Variants in LARP1 observed in about 807,000 individuals in gnomAD.
LARP1 encodes La ribonucleoprotein 1, translational regulator, also known as la-related protein 1.
LARP1 carries 36 observed loss-of-function variants against 122.7 expected under a neutral mutation model. The observed-to-expected ratio is 0.29, with a 90% CI of 0.22 to 0.39. LARP1 has a LOEUF of 0.39. LARP1 is among the 10% of genes least tolerant of loss of function. The pLI is 1.00. For synonymous variants in LARP1, 539 were observed against 528.7 expected, an observed-to-expected ratio of 1.02 and a Z score of -0.27; for missense variants, 1,040 against 1,403.6, an observed-to-expected ratio of 0.74 and a Z score of 4.14.
chr5:154,703,435 C>A (rs2113257705), intron 1 of LARP1, among the ~76,000 whole-genome samples: 1 of 152,056 alleles, frequency 6.6e-6, no homozygotes, highest in Non-Finnish European at 1.5e-5. Flanking sequence ...TGACTGTGGC[C>A]ATTTTTGTAA....
chr5:154,713,411 T>C (rs538714944), intron 1 of LARP1, among the ~76,000 whole-genome samples: 1 of 152,340 alleles, frequency 6.6e-6, no homozygotes, highest in South Asian at 2.1e-4. Flanking sequence ...AATTTGTTAA[T>C]TGGTTTTCCT....
intron 1 of LARP1, among the ~76,000 whole-genome samples, chr5:154,690,593 AGCGAGACCCGCCACTACCTCC>A (rs1754146958): frequency 1.3e-5 from 2 of 152,122 alleles, no homozygotes; most frequent in African/African-American, 4.8e-5. Flanking sequence ...CCGGCCCCAG[AGCGAGACCCGCCACTACCTCC>A]ACGCACCCTC....
chr5:154,738,187 A>C (rs139943426), intron 1 of LARP1, among the ~76,000 whole-genome samples: 28 of 152,336 alleles, frequency 1.8e-4, no homozygotes, highest in African/African-American at 6.5e-4. Flanking sequence ...GCAGTCTTGG[A>C]TCCCAGAGGT....
At chr5:154,701,711 T>A (rs1168117370) in intron 1 of LARP1, among the ~76,000 whole-genome samples, 4 of 150,054 alleles carry the variant, frequency 2.7e-5, no homozygotes, top group African/African-American at 9.8e-5. Context: ...AACCTCCGCC[T>A]CCCAGGTTGA....
At chr5:154,726,947 G>A (rs115082834) in intron 1 of LARP1, among the ~76,000 whole-genome samples, 1 of 152,152 alleles carries the variant, frequency 6.6e-6, no homozygotes, top group Non-Finnish European at 1.5e-5. Flanking sequence ...AGAACAGCAT[G>A]GGGGAAACCG....
intron 1 of LARP1, 132 bp downstream of exon 1, chr5:154,756,325 C>G: frequency 1.1e-6 from 1 of 918,078 alleles, no homozygotes; most frequent in Non-Finnish European, 1.3e-6. Flanking sequence ...AAAATTGCCT[C>G]CTGGTTGATC....
intron 1 of LARP1, among the ~76,000 whole-genome samples, chr5:154,693,878 A>T (rs1427772248): frequency 1.4e-5 from 2 of 146,612 alleles, no homozygotes; most frequent in Non-Finnish European, 3.0e-5. Context: ...AAAAAGAAAG[A>T]AAGTTCTTTT....
intron 1 of LARP1, among the ~76,000 whole-genome samples, chr5:154,691,718 G>A (rs1178430241): frequency 1.3e-5 from 2 of 152,102 alleles, no homozygotes; most frequent in African/African-American, 2.4e-5. Context: ...CAACCTGATA[G>A]CGCTCCTCGG....
chr5:154,685,010 T>C (rs1753858528), intron 1 of LARP1, among the ~76,000 whole-genome samples: 2 of 151,972 alleles, frequency 1.3e-5, no homozygotes, highest in Admixed American at 6.6e-5. Flanking sequence ...CTTTGTGAGG[T>C]GGAGGTGGGC....
chr5:154,788,361 G>T (rs994268459), intron 1 of LARP1, among the ~76,000 whole-genome samples: 3 of 152,212 alleles, frequency 2.0e-5, no homozygotes, highest in Non-Finnish European at 2.9e-5. Context: ...TCAAAGGCAT[G>T]TGGGGTATCT....
intron 1 of LARP1, among the ~76,000 whole-genome samples, chr5:154,777,935 A>G (rs1386522876): frequency 6.6e-6 from 1 of 152,162 alleles, no homozygotes; most frequent in Non-Finnish European, 1.5e-5. Flanking sequence ...TGGAGATGTC[A>G]TTATTTGGCT....
chr5:154,783,558 A>G (rs185567132), intron 1 of LARP1, among the ~76,000 whole-genome samples: 306 of 152,306 alleles, frequency 2.0e-3, no homozygotes, highest in Non-Finnish European at 3.3e-3. Flanking sequence ...AGTGGTTAAG[A>G]GCACAGGTTT....
At chr5:154,783,326 G>A (rs1736422013) in intron 1 of LARP1, among the ~76,000 whole-genome samples, 1 of 152,176 alleles carries the variant, frequency 6.6e-6, no homozygotes, top group African/African-American at 2.4e-5. Flanking sequence ...AACTGGGTGT[G>A]CTTGGTGGTA....
chr5:154,778,821 A>C (rs1202210678), intron 1 of LARP1, among the ~76,000 whole-genome samples: 2 of 152,252 alleles, frequency 1.3e-5, no homozygotes, highest in Admixed American at 1.3e-4. Flanking sequence ...TTTCCTAACT[A>C]TGGTGTCCAG....
At chr5:154,771,195 T>C (rs1755399356) in intron 1 of LARP1, among the ~76,000 whole-genome samples, 1 of 152,118 alleles carries the variant, frequency 6.6e-6, no homozygotes, top group African/African-American at 2.4e-5. Flanking sequence ...ATCATGTCCT[T>C]GGGCTTGGCC....
chr5:154,702,437 T>C (rs2113252825), intron 1 of LARP1, among the ~76,000 whole-genome samples: 1 of 151,886 alleles, frequency 6.6e-6, no homozygotes, highest in East Asian at 2.0e-4. Context: ...GCACCTGTAA[T>C]CACAGCTACT....
intron 1 of LARP1, among the ~76,000 whole-genome samples, chr5:154,692,818 C>G (rs1218161804): frequency 6.6e-6 from 1 of 152,102 alleles, no homozygotes; most frequent in South Asian, 2.1e-4. Context: ...GCTGAGAAGA[C>G]TCAGAATCAA....
intron 1 of LARP1, among the ~76,000 whole-genome samples, chr5:154,779,507 T>C (rs868084966): frequency 0.033 from 4,271 of 129,580 alleles, 82 homozygotes; most frequent in Non-Finnish European, 0.046. Context: ...CATTCTCTCT[T>C]TTTTTTTTTT....
chr5:154,793,737 A>G lies in LARP1; in HGVS notation c.868+14A>G, dbSNP rs750638436. 46 of 1,613,952 alleles carry G rather than the reference A, an allele frequency of 2.9e-5. No homozygotes were observed. In the South Asian group the frequency reaches 3.6e-4, roughly 13 times the overall value. On this transcript the variant is annotated intron_variant, in intron 5 of 18. Coordinates refer to ENST00000518297, the MANE Select transcript of LARP1 (RefSeq NM_033551.3). ...GAGAGATCAAAGGTATGCACTACCC[A>G]CTATGGAGGGCCTGGACTTGGGAGA...
Sources: allele counts gnomAD v4.1 joint callset (sites outside exome capture counted in the v4.1 genomes callset), GRCh38; gene constraint gnomAD v4.1.1; transcripts MANE v1.5; gene names NCBI Gene and HGNC (gene_info 2026-07-23, HGNC 2026-07-21).